Variants in PPARD observed in about 807,000 individuals in gnomAD.
The protein encoded by PPARD is peroxisome proliferator-activated receptor delta.
PPARD carries 6 observed loss-of-function variants against 39.5 expected under a neutral mutation model. The ratio of observed to expected loss-of-function variants is 0.15; its 90% CI spans 0.08 to 0.30. The LOEUF (loss-of-function observed/expected upper bound fraction) is 0.30, where lower values mean the gene tolerates loss of function less well. PPARD is among the 10% of genes least tolerant of loss of function. The pLI, the probability that PPARD is intolerant of heterozygous loss-of-function variation, is 1.00. For synonymous variants in PPARD, 210 were observed against 231.3 expected, an observed-to-expected ratio of 0.91 and a Z score of 0.83; for missense variants, 397 against 596.8, an observed-to-expected ratio of 0.67 and a Z score of 3.49.
At chr6:35,386,416 A>G (rs919911551) in intron 2 of PPARD, among the ~76,000 whole-genome samples, 2 of 149,850 alleles carry the variant, frequency 1.3e-5, no homozygotes, top group Non-Finnish European at 3.0e-5. Flanking sequence ...GCTTGAGCCC[A>G]GGAGGTTGAG....
intron 2 of PPARD, among the ~76,000 whole-genome samples, chr6:35,377,871 C>CTTGTTTTTTTTTTTTTTT (rs1762903762): frequency 8.3e-6 from 1 of 120,342 alleles, no homozygotes; most frequent in African/African-American, 4.4e-5. Flanking sequence ...GTTTACGTAT[C>CTTGTTTTTTTTTTTTTTT]TTTTTTTTTT....
At position 35,426,348 on chromosome 6, in the gene PPARD, T is replaced by G. The variant is rs1766575065; in HGVS notation, c.*269T>G. The stretch of plus-strand genomic sequence containing the variant: ...TCCTGTTGCTCTGTTTCTTCCTTTC[T>G]GTAGGTTTCTCTCTTCCCTTCTCCC... On this transcript the variant is annotated 3_prime_UTR_variant, in exon 8 of 8. Transcript: ENST00000360694. 1 of 523,632 alleles carries G rather than the reference T, an allele frequency of 1.9e-6. No individual in the cohort carries two copies. The highest frequency in any genetic ancestry group is 3.4e-6 in the Non-Finnish European group (1 of 293,630). 32.4% of individuals were successfully genotyped at this position (523,632 alleles called of 1,614,324 possible).
At chr6:35,344,435 C>T (rs1364682816) in intron 1 of PPARD, among the ~76,000 whole-genome samples, 1 of 151,904 alleles carries the variant, frequency 6.6e-6, no homozygotes, top group Non-Finnish European at 1.5e-5. Flanking sequence ...GGCTTGAGAG[C>T]CCACCACCTT....
At chr6:35,405,133 C>G (rs1046338920) in intron 2 of PPARD, among the ~76,000 whole-genome samples, 2 of 152,110 alleles carry the variant, frequency 1.3e-5, no homozygotes, top group Non-Finnish European at 2.9e-5. Flanking sequence ...TTTTGGCTCA[C>G]TGCAACCTCT....
intron 2 of PPARD, among the ~76,000 whole-genome samples, chr6:35,348,085 T>C (rs1450330339): frequency 6.6e-6 from 1 of 151,810 alleles, no homozygotes. Context: ...ATTTTGTATT[T>C]TTAGTAGAGA....
chr6:35,411,675 C>T (rs532261748), intron 3 of PPARD, among the ~76,000 whole-genome samples: 3 of 152,108 alleles, frequency 2.0e-5, no homozygotes, highest in South Asian at 4.2e-4. Flanking sequence ...ATCATTGAGC[C>T]GTATCATAAT....
In PPARD at chr6:35,401,692, T is replaced by C. The variant is rs910186485; in HGVS notation, c.-101-9295T>C. ...AAAGCGTCTCCTGGCCACTCGCACC[T>C]GACTCATGTGCTCTGAGTGCCACAC... On this transcript the variant is annotated intron_variant, in intron 2 of 7. Coordinates refer to ENST00000360694, the MANE Select transcript of PPARD (RefSeq NM_006238.5). This position sits in a 1 kb window ranked among gnomAD's most constrained non-coding sequence, Gnocchi z 4.1. Among the ~76,000 whole-genome samples, 3 of 152,256 alleles carry C rather than the reference T, an allele frequency of 2.0e-5. No homozygotes were observed. The highest frequency in any genetic ancestry group is 2.9e-5 in the Non-Finnish European group (2 of 68,048).
At chr6:35,344,094 C>T (rs886458361) in intron 1 of PPARD, among the ~76,000 whole-genome samples, 3 of 151,342 alleles carry the variant, frequency 2.0e-5, no homozygotes, top group African/African-American at 7.3e-5. Context: ...TGCTGATTTT[C>T]TCTCATATCT....
At position 35,347,091 on chromosome 6, in the gene PPARD, A is replaced by T. The variant is rs9658070; in HGVS notation, c.-161A>T. The T allele has an allele frequency of 6.5e-7, 1 of 1,535,926 alleles. No homozygotes were observed. Among genetic ancestry groups the T allele is most frequent in the East Asian group, 2.4e-5 (1 of 40,920 alleles). Reference sequence around the variant, plus strand: ...GTGTTGTACAGTGTTTTGGGCATGCACGTGATACTCACACAGTGGCTTCTG... The same window carrying T: ...GTGTTGTACAGTGTTTTGGGCATGCTCGTGATACTCACACAGTGGCTTCTG... On this transcript the variant is annotated 5_prime_UTR_variant, in exon 2 of 8. Coordinates refer to ENST00000360694, the MANE Select transcript of PPARD (RefSeq NM_006238.5).
Position 35,424,589 on chromosome 6 carries a change from T to C in PPARD, c.888T>C (p.Ser296=), listed in dbSNP as rs1390634344. ...AGGCCATCTTCGCCATGCTGGCCTC[T>C]ATCGTCAACAAGGACGGGCTGCTGG... The part of the protein sequence containing the change: ...VHEAIFAMLA[S]IVNKDGLLVA... Residue 296 remains serine, a synonymous_variant, in exon 7 of 8, where the codon TCT becomes TCC. Transcript: ENST00000360694. The surrounding 1 kb of genome is among the most constrained non-coding windows in gnomAD (Gnocchi z 7.1). 1.2e-6 allele frequency: 2 copies of C among 1,614,266 alleles called. No homozygotes were observed. The highest frequency in any genetic ancestry group is 2.2e-5 in the South Asian group (2 of 91,082).
rs946057847 is a variant in PPARD, at chr6:35,385,826, C to T, written c.-101-25161C>T. Among the ~76,000 whole-genome samples, 10 of 151,912 alleles carry T rather than the reference C, an allele frequency of 6.6e-5. 1 individual carries two copies. Among genetic ancestry groups the T allele is most frequent in the East Asian group, 1.9e-4 (1 of 5,164 alleles). On this transcript the variant is annotated intron_variant, in intron 2 of 7. Transcript: ENST00000360694. ...CGGACAGTGGTGTGGGATGCAGTCC[C>T]GGTGTGTGAAATTGCCAGTGGTTGG...
At chr6:35,394,147 C>T (rs1354559586) in intron 2 of PPARD, among the ~76,000 whole-genome samples, 3 of 152,226 alleles carry the variant, frequency 2.0e-5, no homozygotes, top group African/African-American at 7.2e-5. Flanking sequence ...AGACTGGTTT[C>T]CCCTCCCAGT....
intron 2 of PPARD, among the ~76,000 whole-genome samples, chr6:35,368,583 A>G (rs994738844): frequency 2.0e-5 from 3 of 152,058 alleles, no homozygotes; most frequent in African/African-American, 7.3e-5. Context: ...TGGTTGGGAA[A>G]CCAATGACTT....
intron 2 of PPARD, among the ~76,000 whole-genome samples, chr6:35,402,605 C>G (rs972332474): frequency 2.0e-5 from 3 of 152,142 alleles, no homozygotes; most frequent in African/African-American, 7.2e-5. Context: ...GGCCTCCTGG[C>G]TGTCTTTTCT....
chr6:35,420,818 G>GT (rs770642690), intron 4 of PPARD, among the ~76,000 whole-genome samples: 1 of 48,674 alleles, frequency 2.1e-5, no homozygotes, highest in Non-Finnish European at 4.3e-5. Context: ...TAACAAAGAA[G>GT]CTTTTTTTTT....
At chr6:35,403,022 G>A (rs1048357275) in intron 2 of PPARD, among the ~76,000 whole-genome samples, 14 of 152,178 alleles carry the variant, frequency 9.2e-5, no homozygotes, top group Admixed American at 5.2e-4. Flanking sequence ...CATGTGGGGC[G>A]AGAAGGGGAG....
Position 35,426,424 on chromosome 6 carries a change from C to T in PPARD, c.*345C>T. ...CCCACGTCTGTCCTCCTTTCTTATTCTGTGAGATGTTTTGTATTATTTCAC... is the reference window on the plus strand; with the variant it reads ...CCCACGTCTGTCCTCCTTTCTTATTTTGTGAGATGTTTTGTATTATTTCAC... On this transcript the variant is annotated 3_prime_UTR_variant, in exon 8 of 8. Coordinates refer to ENST00000360694, the MANE Select transcript of PPARD (RefSeq NM_006238.5). 1 of 348,146 alleles carries T rather than the reference C, an allele frequency of 2.9e-6. No individual in the cohort carries two copies. The allele number at this position is 348,146 out of a possible 1,614,324, so 21.6% of individuals were successfully genotyped here.
chr6:35,351,563 T>C (rs1350178497), intron 2 of PPARD, among the ~76,000 whole-genome samples: 1 of 152,098 alleles, frequency 6.6e-6, no homozygotes, highest in Non-Finnish European at 1.5e-5. Context: ...TTTTGTTTGA[T>C]TTTGTCTGAG....
intron 2 of PPARD, among the ~76,000 whole-genome samples, chr6:35,398,433 A>C (rs760749014): frequency 3.9e-5 from 6 of 152,168 alleles, no homozygotes; most frequent in Non-Finnish European, 7.3e-5. Context: ...CATGGGGGGA[A>C]GGTAAAGGGC....
Sources: allele counts gnomAD v4.1 joint callset (sites outside exome capture counted in the v4.1 genomes callset), GRCh38; gene constraint gnomAD v4.1.1; non-coding constraint Gnocchi (gnomAD v3.1); transcripts MANE v1.5; gene names NCBI Gene and HGNC (gene_info 2026-07-23, HGNC 2026-07-21).